Variants in RPSA2 observed in about 807,000 individuals in gnomAD.
RPSA2 encodes ribosomal protein SA 2.
chr19:23,856,373 T>C, the RPSA2 span, among the ~76,000 whole-genome samples: 2 of 151,952 alleles, frequency 1.3e-5, no homozygotes, highest in African/African-American at 4.8e-5. Flanking sequence ...CTGAATAGGG[T>C]GACCATATTT....
chr19:23,791,457 A>C, the RPSA2 span, among the ~76,000 whole-genome samples: 1 of 152,166 alleles, frequency 6.6e-6, no homozygotes, highest in African/African-American at 2.4e-5. Flanking sequence ...TTAGAAGTAC[A>C]AATCCGGGGA....
chr19:23,775,739 G>A, the RPSA2 span, among the ~76,000 whole-genome samples: 1 of 152,200 alleles, frequency 6.6e-6, no homozygotes, highest in Non-Finnish European at 1.5e-5. Context: ...ACACCTATTA[G>A]TCTGTGATTC....
the RPSA2 span, among the ~76,000 whole-genome samples, chr19:23,781,674 C>A: frequency 1.3e-5 from 2 of 152,170 alleles, no homozygotes; most frequent in Non-Finnish European, 2.9e-5. Flanking sequence ...TTGAGGCTCT[C>A]ATGCACAAAT....
At chr19:23,808,744 GATC>G in the RPSA2 span, 4 of 809,912 alleles carry the variant, frequency 4.9e-6, no homozygotes, top group Non-Finnish European at 7.7e-6. Flanking sequence ...AGCCAGACCT[GATC>G]ACCTATCTGG....
the RPSA2 span, among the ~76,000 whole-genome samples, chr19:23,802,519 T>C: frequency 1.3e-5 from 2 of 152,228 alleles, no homozygotes; most frequent in African/African-American, 4.8e-5. Context: ...AGAACAATTG[T>C]GTCAGGCTGA....
At chr19:23,839,554 G>A in the RPSA2 span, among the ~76,000 whole-genome samples, 1 of 152,332 alleles carries the variant, frequency 6.6e-6, no homozygotes, top group East Asian at 1.9e-4. Context: ...AAAATAAAAA[G>A]GCTTTAGTTC....
chr19:23,824,721 A>T, the RPSA2 span, among the ~76,000 whole-genome samples: 1 of 150,156 alleles, frequency 6.7e-6, no homozygotes, highest in Non-Finnish European at 1.5e-5. Context: ...TTTTTGTAGA[A>T]CTGTGCTAGT....
At chr19:23,868,864 T>C in the RPSA2 span, among the ~76,000 whole-genome samples, 1 of 152,140 alleles carries the variant, frequency 6.6e-6, no homozygotes, top group African/African-American at 2.4e-5. Flanking sequence ...GTATGGGCCA[T>C]GAGCCAGCTG....
At chr19:23,843,758 C>G in the RPSA2 span, among the ~76,000 whole-genome samples, 3 of 151,786 alleles carry the variant, frequency 2.0e-5, no homozygotes, top group African/African-American at 7.3e-5. Flanking sequence ...TTTCTTTTTT[C>G]TTCTGTTTTC....
At chr19:23,865,770 A>G in the RPSA2 span, among the ~76,000 whole-genome samples, 2 of 152,174 alleles carry the variant, frequency 1.3e-5, no homozygotes, top group Non-Finnish European at 2.9e-5. Context: ...TATTACCATA[A>G]GGCTTGATCT....
At chr19:23,853,952 C>T in the RPSA2 span, among the ~76,000 whole-genome samples, 1 of 152,158 alleles carries the variant, frequency 6.6e-6, no homozygotes, top group African/African-American at 2.4e-5. Context: ...ATCTACTAGG[C>T]CATCAAACTT....
the RPSA2 span, among the ~76,000 whole-genome samples, chr19:23,798,498 A>G: frequency 6.6e-6 from 1 of 152,200 alleles, no homozygotes; most frequent in Non-Finnish European, 1.5e-5. Flanking sequence ...TAGTATGAAT[A>G]TAAAGCCACA....
chr19:23,871,141 CT>C, the RPSA2 span, among the ~76,000 whole-genome samples: 2 of 152,188 alleles, frequency 1.3e-5, no homozygotes, highest in East Asian at 1.9e-4. Context: ...AAGGAGCCCC[CT>C]GACCCCTTCT....
At chr19:23,760,669 ATTTTT>A in the RPSA2 span, among the ~76,000 whole-genome samples, 32 of 83,326 alleles carry the variant, frequency 3.8e-4, no homozygotes, top group African/African-American at 1.1e-3. Flanking sequence ...ATATATATAT[ATTTTT>A]TTTTTTTTAA....
At chr19:23,859,496 A>C in the RPSA2 span, among the ~76,000 whole-genome samples, 2 of 152,250 alleles carry the variant, frequency 1.3e-5, no homozygotes, top group African/African-American at 4.8e-5. Flanking sequence ...GCGTGGTGGC[A>C]CATGCCTGTA....
chr19:23,802,648 C>T, the RPSA2 span, among the ~76,000 whole-genome samples: 5 of 152,066 alleles, frequency 3.3e-5, no homozygotes, highest in Non-Finnish European at 7.3e-5. Context: ...TTCTCTGGTT[C>T]CCTGGTACTT....
the RPSA2 span, chr19:23,832,756 T>A: frequency 6.4e-7 from 1 of 1,566,380 alleles, no homozygotes; most frequent in Non-Finnish European, 8.7e-7. Context: ...TAGCCAGTCA[T>A]CAATCCTTAC....
At chr19:23,766,142 C>CTTTTTTTTTTTTTTTTTTTT in the RPSA2 span, among the ~76,000 whole-genome samples, 5 of 43,288 alleles carry the variant, frequency 1.2e-4, 2 homozygotes, top group African/African-American at 2.3e-4. Flanking sequence ...TATTTCATTT[C>CTTTTTTTTTTTTTTTTTTTT]CTTTTTTTTT....
At chr19:23,852,295 G>A in the RPSA2 span, among the ~76,000 whole-genome samples, 1 of 152,102 alleles carries the variant, frequency 6.6e-6, no homozygotes, top group African/African-American at 2.4e-5. Context: ...TACCTGCTGA[G>A]ACCAGCTCGG....
Sources: gnomAD v4.1 joint callset for allele counts (sites outside exome capture counted in the v4.1 genomes callset) on GRCh38, gnomAD v4.1.1 for gene constraint, MANE v1.5 for transcripts, NCBI Gene and HGNC (gene_info 2026-07-23, HGNC 2026-07-21) for gene names.